The following CCDC73 variants were observed in gnomAD, a reference collection of about 807,000 sequenced individuals.
CCDC73 encodes the protein coiled-coil domain containing 73.
A neutral mutation model predicts 116.5 loss-of-function variants in CCDC73; 95 were observed. The observed-to-expected ratio is 0.82, with a 90% CI of 0.69 to 0.97. CCDC73 has a LOEUF of 0.97. Ranked by LOEUF, CCDC73 falls within the 50% of genes least tolerant of loss-of-function variation. The pLI, the probability that CCDC73 is intolerant of heterozygous loss-of-function variation, is 0.00. For synonymous variants in CCDC73, 398 were observed against 401.3 expected, an observed-to-expected ratio of 0.99 and a Z score of 0.10; for missense variants, 1,066 against 1,206.8, an observed-to-expected ratio of 0.88 and a Z score of 1.73.
chr11:32,680,627 A>G (rs1043447705), intron 7 of CCDC73: 7 of 152,102 alleles, frequency 4.6e-5, no homozygotes, highest in Admixed American at 4.6e-4. Context: ...TTTTAGAAAT[A>G]TATTTACTGA....
At chr11:32,741,169 A>T (rs1455062799) in intron 2 of CCDC73, among the ~76,000 whole-genome samples, 3 of 151,904 alleles carry the variant, frequency 2.0e-5, no homozygotes, top group Non-Finnish European at 4.4e-5. Flanking sequence ...AATGTTCTAT[A>T]AGTACCTATT....
At chr11:32,711,025 C>A (rs1404781915) in intron 3 of CCDC73, among the ~76,000 whole-genome samples, 1 of 152,012 alleles carries the variant, frequency 6.6e-6, no homozygotes, top group Non-Finnish European at 1.5e-5. Context: ...AAATGGCCAA[C>A]AAGCATATGG....
chr11:32,683,268 C>T (rs1386336836), intron 7 of CCDC73: 8 of 392,210 alleles, frequency 2.0e-5, no homozygotes, highest in African/African-American at 1.1e-4. Context: ...AAAAAGTTTC[C>T]AATTTTGAAG....
chr11:32,761,248 A>G (rs976592834), intron 1 of CCDC73, among the ~76,000 whole-genome samples: 7 of 151,932 alleles, frequency 4.6e-5, no homozygotes, highest in African/African-American at 1.5e-4. Context: ...GTTCATCCAG[A>G]TTGTTACATG....
At chr11:32,815,321 T>C in the CCDC73 span, among the ~76,000 whole-genome samples, 1 of 151,302 alleles carries the variant, frequency 6.6e-6, no homozygotes, top group Non-Finnish European at 1.5e-5. Context: ...TAACTAAAAG[T>C]GGTTGTATTA....
chr11:32,777,353 C>T (rs1211699685), intron 1 of CCDC73, among the ~76,000 whole-genome samples: 1 of 151,982 alleles, frequency 6.6e-6, no homozygotes, highest in Non-Finnish European at 1.5e-5. Context: ...GATCTGTCCA[C>T]CTCAGCCTCC....
At chr11:32,794,330 C>T (rs1041292130) in intron 1 of CCDC73, 2 of 152,296 alleles carry the variant, frequency 1.3e-5, no homozygotes, top group African/African-American at 4.8e-5. Context: ...GATGAACAGA[C>T]GAGACCCTCA....
intron 3 of CCDC73, among the ~76,000 whole-genome samples, chr11:32,713,343 T>C (rs1384349609): frequency 6.6e-6 from 1 of 152,084 alleles, no homozygotes; most frequent in African/African-American, 2.4e-5. Flanking sequence ...GCTATGCCTT[T>C]GGTGTTGTCC....
At chr11:32,656,301 G>C (rs1468284431) in intron 9 of CCDC73, among the ~76,000 whole-genome samples, 5 of 151,532 alleles carry the variant, frequency 3.3e-5, no homozygotes, top group African/African-American at 1.2e-4. Flanking sequence ...GGATGGTCTC[G>C]ATCTCCTGAC....
intron 9 of CCDC73, among the ~76,000 whole-genome samples, chr11:32,665,598 T>A (rs1357140665): frequency 6.6e-6 from 1 of 152,240 alleles, no homozygotes; most frequent in Non-Finnish European, 1.5e-5. Flanking sequence ...CTGATGGGTC[T>A]TGACTCTTTA....
intron 12 of CCDC73, among the ~76,000 whole-genome samples, chr11:32,648,487 C>T (rs201868): frequency 0.25 from 37,350 of 152,004 alleles, 4,729 homozygotes; most frequent in Middle Eastern, 0.28. Context: ...CTATGATGTG[C>T]CAGACACTGT....
chr11:32,713,553 T>C (rs1849920089), intron 3 of CCDC73, among the ~76,000 whole-genome samples: 1 of 151,966 alleles, frequency 6.6e-6, no homozygotes, highest in Non-Finnish European at 1.5e-5. Flanking sequence ...CCCCATGATA[T>C]CCAAAAAGCC....
At chr11:32,829,778 G>A in the CCDC73 span, 22 of 985,414 alleles carry the variant, frequency 2.2e-5, no homozygotes, top group African/African-American at 2.3e-4. Context: ...TGGCCCGCCC[G>A]GGGATGGGGC....
chr11:32,791,417 C>T (rs1484639568), intron 1 of CCDC73, among the ~76,000 whole-genome samples: 1 of 152,214 alleles, frequency 6.6e-6, no homozygotes, highest in Admixed American at 6.5e-5. Flanking sequence ...CACTAACTCC[C>T]CATTTCAGAG....
At chr11:32,768,920 A>G (rs1850469054) in intron 1 of CCDC73, among the ~76,000 whole-genome samples, 1 of 152,240 alleles carries the variant, frequency 6.6e-6, no homozygotes, top group Non-Finnish European at 1.5e-5. Context: ...CTGAACAAGT[A>G]CTTCATAAAA....
intron 1 of CCDC73, among the ~76,000 whole-genome samples, chr11:32,791,670 C>G (rs1007318083): frequency 1.3e-5 from 2 of 152,122 alleles, no homozygotes; most frequent in African/African-American, 4.8e-5. Context: ...ACACTGTTCT[C>G]AGCCAGGCGT....
chr11:32,614,252 C>T lies in CCDC73; in HGVS notation c.2066G>A (p.Cys689Tyr), dbSNP rs371097660. The T allele has an allele frequency of 3.1e-6, 5 of 1,613,434 alleles. No homozygotes were observed. The highest frequency in any genetic ancestry group is 1.3e-5 in the African/African-American group (1 of 74,918). Reference sequence around the variant, plus strand: ...TTCAGATTTCTCTAAAGTATCATTACAGACTTGCAGAAAATCTGAAGTTTG... The same window carrying T: ...TTCAGATTTCTCTAAAGTATCATTATAGACTTGCAGAAAATCTGAAGTTTG... ...SKQTSDFLQV[C>Y]NDTLEKSELT... Residue 689 changes from cysteine to tyrosine, a missense_variant, in exon 16 of 18, where the codon TGT becomes TAT. Cys to Tyr is a radical substitution (Grantham distance 194). Coordinates refer to ENST00000335185, the MANE Select transcript of CCDC73 (RefSeq NM_001008391.4).
intron 9 of CCDC73, among the ~76,000 whole-genome samples, chr11:32,657,824 G>C (rs1855887464): frequency 1.3e-5 from 2 of 151,976 alleles, no homozygotes; most frequent in South Asian, 2.1e-4. Flanking sequence ...AACAAAGCAA[G>C]ACCCTGTCTC....
At position 32,613,995 on chromosome 11, in the gene CCDC73, A is replaced by G. The variant is rs755684589; in HGVS notation, c.2323T>C (p.Ser775Pro). 6.2e-7 allele frequency: 1 copy of G among 1,611,066 alleles called. No individual in the cohort carries two copies. Among genetic ancestry groups the G allele is most frequent in the East Asian group, 2.2e-5 (1 of 44,850 alleles). The change falls in exon 16 of 18, where the codon TCC becomes CCC. Residue 775 changes from serine to proline, a missense_variant. Physicochemically the swap from Ser to Pro is moderately conservative, Grantham distance 74. Coordinates refer to ENST00000335185, the MANE Select transcript of CCDC73 (RefSeq NM_001008391.4). Reference protein sequence around the residue: ...GYLENTNVNISHLHLNNENSH... With the variant: ...GYLENTNVNIPHLHLNNENSH... ...TTCTCATTGTTAAGATGAAGATGGG[A>G]AATGTTCACATTAGTGTTTTCTAAG...
Sources: allele counts gnomAD v4.1 joint callset (sites outside exome capture counted in the v4.1 genomes callset), GRCh38; gene constraint gnomAD v4.1.1; transcripts MANE v1.5; gene names NCBI Gene and HGNC (gene_info 2026-07-23, HGNC 2026-07-21).